Variants in PDE1C observed in about 807,000 individuals in gnomAD.
The protein encoded by PDE1C is dual specificity calcium/calmodulin-dependent 3',5'-cyclic nucleotide phosphodiesterase 1C.
A neutral mutation model predicts 93.1 loss-of-function variants in PDE1C; 62 were observed. The observed-to-expected ratio is 0.67, with a 90% CI of 0.54 to 0.82. The LOEUF is 0.82. Among genes scored for constraint, PDE1C ranks in the 40% least tolerant of loss-of-function variants. The pLI, the probability that PDE1C is intolerant of heterozygous loss-of-function variation, is 0.00. For missense variants in PDE1C, 742 were observed against 884.6 expected, an observed-to-expected ratio of 0.84 and a Z score of 2.04; for synonymous variants, 325 against 310.1, an observed-to-expected ratio of 1.05 and a Z score of -0.50.
At chr7:32,150,744 A>G (rs1189891921) in intron 3 of PDE1C, among the ~76,000 whole-genome samples, 2 of 152,336 alleles carry the variant, frequency 1.3e-5, no homozygotes, top group Non-Finnish European at 2.9e-5. Flanking sequence ...TAAGAACCAC[A>G]TAAGGGTTAG....
rs553386056 is a variant in PDE1C at position 32,190,213 on chromosome 7, C to G, written c.136+19276G>C. Among the ~76,000 whole-genome samples the G allele has an allele frequency of 2.1e-4, 32 of 152,266 alleles. 1 individual carries two copies. Among genetic ancestry groups the G allele is most frequent in the South Asian group, 1.2e-3 (6 of 4,822 alleles). Reference sequence around the variant, plus strand: ...CAAATGTAAGAATTTCATTAGGGCCCCCAAAACTACACAGTTGAAGAGGGA... The same window carrying G: ...CAAATGTAAGAATTTCATTAGGGCCGCCAAAACTACACAGTTGAAGAGGGA... On this transcript the variant is annotated intron_variant, in intron 2 of 18. Transcript: ENST00000396193.
At position 32,077,780 on chromosome 7, in the gene PDE1C, A is replaced by G. The variant is rs138433837; in HGVS notation, c.308+92005T>C. On this transcript the variant is annotated intron_variant, in intron 3 of 18. Coordinates refer to the PDE1C transcript ENST00000396193. ...GAGACGGGGTTTCACCATCTTGGCC[A>G]GGCTGGTCTTTAACTCCTGACTTCA... 1.0e-3 allele frequency: 769 copies of G among 765,450 alleles called. 6 individuals are homozygous for G. The African/African-American group carries it at 0.014, about 14-fold the overall frequency. 47.4% of individuals were successfully genotyped at this position (765,450 alleles called of 1,614,324 possible).
chr7:31,694,517 T>C, the PDE1C span, among the ~76,000 whole-genome samples: 1 of 152,128 alleles, frequency 6.6e-6, no homozygotes, highest in Non-Finnish European at 1.5e-5. Context: ...TAAGAGTCCA[T>C]GTTTGAACTC....
the PDE1C span, among the ~76,000 whole-genome samples, chr7:31,685,418 G>A: frequency 4.6e-5 from 7 of 152,158 alleles, no homozygotes; most frequent in Admixed American, 6.6e-5. Flanking sequence ...AACTGCTTAC[G>A]TATAGGAGAT....
intron 2 of PDE1C, among the ~76,000 whole-genome samples, chr7:32,174,446 C>T (rs190846530): frequency 1.5e-4 from 23 of 151,906 alleles, no homozygotes; most frequent in Non-Finnish European, 2.9e-4. Context: ...GCCTCGGGAC[C>T]CTGGGGAAAA....
At chr7:32,334,101 CAAAA>C (rs1377779092) in intron 1 of PDE1C, among the ~76,000 whole-genome samples, 5 of 151,960 alleles carry the variant, frequency 3.3e-5, no homozygotes, top group African/African-American at 9.7e-5. Flanking sequence ...AAAGAAGTCT[CAAAA>C]AGAAAATCAT....
chr7:32,033,919 T>G (rs1367252643), intron 2 of PDE1C, among the ~76,000 whole-genome samples: 1 of 152,202 alleles, frequency 6.6e-6, no homozygotes, highest in Non-Finnish European at 1.5e-5. Flanking sequence ...CCAACCATTA[T>G]CAGTAATTTT....
chr7:31,942,729 G>C (rs1238302347), intron 2 of PDE1C, among the ~76,000 whole-genome samples: 1 of 152,126 alleles, frequency 6.6e-6, no homozygotes, highest in Non-Finnish European at 1.5e-5. Flanking sequence ...AATCTATCTT[G>C]ATGGTTGATT....
chr7:32,194,273 G>T (rs983785704), intron 2 of PDE1C, among the ~76,000 whole-genome samples: 1 of 152,122 alleles, frequency 6.6e-6, no homozygotes, highest in Non-Finnish European at 1.5e-5. Flanking sequence ...GTGTAGCACG[G>T]TTCACAGTAT....
chr7:32,213,333 T>C (rs1181095969), intron 1 of PDE1C, among the ~76,000 whole-genome samples: 1 of 152,302 alleles, frequency 6.6e-6, no homozygotes, highest in South Asian at 2.1e-4. Context: ...AACACTGAGA[T>C]GGTCCCTCGG....
intron 2 of PDE1C, among the ~76,000 whole-genome samples, chr7:32,000,885 A>G (rs906755331): frequency 3.3e-5 from 5 of 152,196 alleles, no homozygotes; most frequent in Non-Finnish European, 7.3e-5. Context: ...TTTTCACAGG[A>G]CATAATTTTT....
rs144170048 is a variant in PDE1C, at chr7:32,160,978, G to A, written c.308+8807C>T. ...TTTCAACAGCATTACTCTTGCTGCC[G>A]TCTCTCCCAACCAGGAATTTCTCTA... On this transcript the variant is annotated intron_variant, in intron 3 of 18. Coordinates refer to the PDE1C transcript ENST00000396193. Among the ~76,000 whole-genome samples the A allele has an allele frequency of 2.7e-3, 414 of 152,196 alleles. 3 individuals carry two copies. Among genetic ancestry groups the A allele is most frequent in the African/African-American group, 9.5e-3 (396 of 41,548 alleles).
chr7:32,008,595 G>A (rs540333725), intron 2 of PDE1C, among the ~76,000 whole-genome samples: 2 of 152,232 alleles, frequency 1.3e-5, no homozygotes, highest in South Asian at 4.1e-4. Flanking sequence ...ATGAACTGAA[G>A]GACACCTCCA....
At chr7:32,292,914 A>T (rs1242214109) in intron 1 of PDE1C, among the ~76,000 whole-genome samples, 1 of 152,170 alleles carries the variant, frequency 6.6e-6, no homozygotes, top group African/African-American at 2.4e-5. Flanking sequence ...GCATCAGCCT[A>T]TAGGAGGGCA....
In PDE1C at chr7:31,866,894, T is replaced by G. The variant is rs540404405; in HGVS notation, c.610-1812A>C. Among the ~76,000 whole-genome samples the G allele has an allele frequency of 3.5e-3, 536 of 152,102 alleles. 2 individuals are homozygous for G. The highest frequency in any genetic ancestry group is 0.012 in the African/African-American group (515 of 41,480). On this transcript the variant is annotated intron_variant, in intron 6 of 17. Coordinates refer to ENST00000396191, the MANE Select transcript of PDE1C (RefSeq NM_001191057.4). ...AAAGCCCCTAAACCCTGGCAGACCCTGAGACTAAGACAGGGAGCTGTCTGG... is the reference window on the plus strand; with the variant it reads ...AAAGCCCCTAAACCCTGGCAGACCCGGAGACTAAGACAGGGAGCTGTCTGG...
intron 1 of PDE1C, among the ~76,000 whole-genome samples, chr7:32,269,514 C>T (rs570294911): frequency 3.7e-4 from 57 of 152,198 alleles, no homozygotes; most frequent in African/African-American, 1.2e-3. Context: ...GAGTCTCGCT[C>T]TGTCACCCAG....
At chr7:31,645,351 CA>C in the PDE1C span, among the ~76,000 whole-genome samples, 1 of 152,092 alleles carries the variant, frequency 6.6e-6, no homozygotes, top group African/African-American at 2.4e-5. Flanking sequence ...AATAATTTAT[CA>C]GATCATTTTT....
At chr7:31,900,895 A>T (rs1307630364) in intron 2 of PDE1C, among the ~76,000 whole-genome samples, 1 of 151,904 alleles carries the variant, frequency 6.6e-6, no homozygotes, top group Non-Finnish European at 1.5e-5. Flanking sequence ...GTACCAAATA[A>T]ATAAGTTCAC....
chr7:32,058,012 C>T (rs1221647171), intron 1 of PDE1C, among the ~76,000 whole-genome samples: 1 of 152,136 alleles, frequency 6.6e-6, no homozygotes, highest in African/African-American at 2.4e-5. Flanking sequence ...TATAAATAGG[C>T]TTAATATTCT....
Sources: allele counts gnomAD v4.1 joint callset (sites outside exome capture counted in the v4.1 genomes callset), GRCh38; gene constraint gnomAD v4.1.1; transcripts MANE v1.5; gene names NCBI Gene and HGNC (gene_info 2026-07-23, HGNC 2026-07-21).